Variants in TRAK1 observed in about 807,000 individuals in gnomAD.
TRAK1 encodes trafficking kinesin-binding protein 1.
A neutral mutation model predicts 92.1 loss-of-function variants in TRAK1; 33 were observed. That is an observed-to-expected ratio of 0.36 (90% CI 0.27 to 0.48). TRAK1 has a LOEUF of 0.48. Among genes scored for constraint, TRAK1 ranks in the 20% least tolerant of loss-of-function variants. TRAK1 has a pLI of 0.99. For missense variants in TRAK1, 1,123 were observed against 1,257.9 expected, an observed-to-expected ratio of 0.89 and a Z score of 1.62; for synonymous variants, 521 against 517.3, an observed-to-expected ratio of 1.01 and a Z score of -0.10.
rs2149299633 is a variant in TRAK1, at chr3:42,160,457, G to T, written c.287-16357G>T. The T allele has an allele frequency of 1.9e-6, 3 of 1,614,198 alleles. No individual in the cohort carries two copies. The East Asian group carries it at 6.7e-5, about 36-fold the overall frequency. On this transcript the variant is annotated intron_variant, in intron 2 of 15. Coordinates refer to ENST00000327628, the MANE Select transcript of TRAK1 (RefSeq NM_001042646.3). ...CAACCCACAGGCAGCATGACACCCA[G>T]GACCTCTTGGAAGAGGGTAAATTCT...
chr3:42,126,126 G>A (rs575081308), intron 2 of TRAK1, among the ~76,000 whole-genome samples: 3 of 151,812 alleles, frequency 2.0e-5, no homozygotes, highest in Admixed American at 6.6e-5. Context: ...AAAGTGCTGG[G>A]ATTATAGGTG....
chr3:42,138,198 A>G (rs1342567920), intron 2 of TRAK1, among the ~76,000 whole-genome samples: 1 of 152,206 alleles, frequency 6.6e-6, no homozygotes, highest in Non-Finnish European at 1.5e-5. Context: ...AGACATATGC[A>G]CTTAACTCTC....
At chr3:42,091,684 C>A in intron 1 of TRAK1, 124 bp downstream of exon 1, 2 of 889,470 alleles carry the variant, frequency 2.2e-6, no homozygotes, top group South Asian at 1.9e-5. Context: ...TGTTCATGGT[C>A]ATGTGGTAGA....
At chr3:42,027,177 T>G (rs1318742332) in intron 1 of TRAK1, among the ~76,000 whole-genome samples, 1 of 152,202 alleles carries the variant, frequency 6.6e-6, no homozygotes, top group African/African-American at 2.4e-5. Context: ...GTGCATACAT[T>G]AGTGGCATAT....
intron 1 of TRAK1, among the ~76,000 whole-genome samples, chr3:42,030,372 A>AAATATATAT (rs540353037): frequency 2.3e-5 from 3 of 132,318 alleles, no homozygotes; most frequent in Middle Eastern, 3.8e-3. Context: ...TAAAAAAAAA[A>AAATATATAT]ATATATATAT....
At chr3:42,159,165 A>G (rs940916947) in intron 2 of TRAK1, among the ~76,000 whole-genome samples, 26 of 152,224 alleles carry the variant, frequency 1.7e-4, no homozygotes, top group African/African-American at 6.3e-4. Context: ...GGCCCTAAGG[A>G]TTCAAAGACG....
At chr3:42,207,802 T>C (rs1261173618) in intron 13 of TRAK1, among the ~76,000 whole-genome samples, 1 of 152,192 alleles carries the variant, frequency 6.6e-6, no homozygotes, top group Non-Finnish European at 1.5e-5. Context: ...GGTCCACAGC[T>C]TCCTTCAGAT....
At chr3:42,055,649 A>G (rs574619428) in intron 1 of TRAK1, among the ~76,000 whole-genome samples, 50 of 152,178 alleles carry the variant, frequency 3.3e-4, no homozygotes, top group Non-Finnish European at 6.6e-4. Context: ...TTTTTTGTAA[A>G]GATGGAGTCT....
At chr3:42,146,061 G>T in intron 2 of TRAK1, 1 of 447,546 alleles carries the variant, frequency 2.2e-6, no homozygotes, top group South Asian at 1.8e-5. Flanking sequence ...TGGTTCTTCT[G>T]AGTAAGAAAG....
intron 1 of TRAK1, among the ~76,000 whole-genome samples, chr3:42,069,224 G>C (rs1158011386): frequency 2.0e-5 from 3 of 151,746 alleles, no homozygotes; most frequent in Non-Finnish European, 4.4e-5. Flanking sequence ...CTCAGCTACA[G>C]GTGGGAGGAT....
At position 42,223,682 on chromosome 3, in the gene TRAK1, T is replaced by C. The variant is rs202108921; in HGVS notation, c.2807T>C (p.Leu936Pro). 4.3e-5 allele frequency: 69 copies of C among 1,613,936 alleles called. 1 individual carries two copies. The African/African-American group carries it at 5.5e-4, about 13-fold the overall frequency. ...SSMQMKAPVTLTSGILMGAKL... is the reference protein window; with the variant it reads ...SSMQMKAPVTPTSGILMGAKL... ...ATGCAGATGAAAGCTCCTGTGACTC[T>C]CACCTCGGGCATCTTGATGGGTGCT... Residue 936 changes from leucine to proline, a missense_variant, in exon 16 of 16, where the codon CTC (leucine) becomes CCC (proline). Leu to Pro is a moderately conservative substitution (Grantham distance 98, BLOSUM62 -3). Around this residue, in one of 3 missense-constraint regions of TRAK1, gnomAD observed 401 missense variants for 438.9 expected, o/e 0.91. Transcript: ENST00000327628. This position sits in a 1 kb window ranked among gnomAD's most constrained non-coding sequence, Gnocchi z 6.1.
chr3:42,191,957 G>A (rs1705818492), intron 7 of TRAK1, among the ~76,000 whole-genome samples: 1 of 128,660 alleles, frequency 7.8e-6, no homozygotes. Flanking sequence ...CTAGAGTACA[G>A]TAGTTGCGAT....
chr3:42,053,320 C>G (rs1273191621), intron 1 of TRAK1, among the ~76,000 whole-genome samples: 1 of 144,616 alleles, frequency 6.9e-6, no homozygotes, highest in Non-Finnish European at 1.5e-5. Context: ...CCCTCCCTGC[C>G]TCCAGAAAAA....
intron 1 of TRAK1, among the ~76,000 whole-genome samples, chr3:42,109,945 C>A (rs1372308950): frequency 2.0e-5 from 3 of 151,108 alleles, no homozygotes; most frequent in African/African-American, 7.3e-5. Context: ...CACACCGGGG[C>A]CTGTCATGGG....
intron 3 of TRAK1, among the ~76,000 whole-genome samples, chr3:42,182,601 G>A (rs1704179442): frequency 6.6e-6 from 1 of 152,158 alleles, no homozygotes; most frequent in Non-Finnish European, 1.5e-5. Flanking sequence ...TTTTGATACT[G>A]TGATACCTGG....
chr3:42,086,269 G>A (rs1156432363), upstream of TRAK1, among the ~76,000 whole-genome samples: 1 of 151,904 alleles, frequency 6.6e-6, no homozygotes, highest in African/African-American at 2.4e-5. Context: ...GATTTTAAAT[G>A]AGGGTGAGTC....
chr3:42,030,477 A>AGCC (rs1480586133), intron 1 of TRAK1, among the ~76,000 whole-genome samples: 4 of 150,366 alleles, frequency 2.7e-5, no homozygotes, highest in Non-Finnish European at 4.4e-5. Flanking sequence ...GTTCAAGACC[A>AGCC]GCCTGCCCAA....
At chr3:42,177,431 T>C (rs867614345) in intron 3 of TRAK1, among the ~76,000 whole-genome samples, 1 of 152,210 alleles carries the variant, frequency 6.6e-6, no homozygotes, top group Non-Finnish European at 1.5e-5. Flanking sequence ...ATTATGAAGG[T>C]CTCTAGAAAC....
chr3:42,165,645 T>A (rs1483698369), intron 2 of TRAK1, among the ~76,000 whole-genome samples: 1 of 152,196 alleles, frequency 6.6e-6, no homozygotes, highest in Non-Finnish European at 1.5e-5. Flanking sequence ...CCTGGGCCTT[T>A]GTTAATGTAG....
Sources: allele counts gnomAD v4.1 joint callset (sites outside exome capture counted in the v4.1 genomes callset), GRCh38; gene constraint gnomAD v4.1.1; regional missense constraint gnomAD v4.1.1; non-coding constraint Gnocchi (gnomAD v3.1); transcripts MANE v1.5; gene names NCBI Gene and HGNC (gene_info 2026-07-23, HGNC 2026-07-21).